CAPN12: variants seen among roughly 807,000 people sequenced by gnomAD.
The protein encoded by CAPN12 is calpain 12, also known as calpain-12.
In CAPN12, 107 loss-of-function variants were observed where a neutral mutation model predicts 95.0. The observed-to-expected ratio is 1.13, with a 90% CI of 0.96 to 1.32. CAPN12 has a LOEUF of 1.32. CAPN12 is among the 40% of genes most tolerant of loss of function. The probability of loss-of-function intolerance (pLI) is 0.00; values close to 1 mark genes in which losing one functional copy is unlikely to be tolerated. For synonymous variants in CAPN12, 505 were observed against 415.5 expected, an observed-to-expected ratio of 1.22 and a Z score of -2.62; for missense variants, 1,136 against 997.8, an observed-to-expected ratio of 1.14 and a Z score of -1.87.
At chr19:38,731,563 C>CA (rs1165121648) in intron 18 of CAPN12, 1 of 360,600 alleles carries the variant, frequency 2.8e-6, no homozygotes, top group African/African-American at 2.1e-5. Context: ...TTCTGTGCAG[C>CA]AAAAAATATA....
In CAPN12 at chr19:38,736,015, GGGGGTC is replaced by G; in HGVS notation, c.1583+89_1583+94del. On this transcript the variant is annotated intron_variant, in intron 12 of 20. Transcript: ENST00000328867. ...CTGGGGGCGGGGCAGGTCAGGTCTC[GGGGGTC>G]TCGGGGGTCTCGGGGGTCTCGGGGG... The G allele has an allele frequency of 2.1e-4, 11 of 51,408 alleles. 1 individual carries two copies. The highest frequency in any genetic ancestry group is 2.7e-4 in the Non-Finnish European group (8 of 29,444). 3.2% of individuals were successfully genotyped at this position (51,408 alleles called of 1,614,324 possible).
chr19:38,738,417 C>T lies in CAPN12; in HGVS notation c.890+1G>A, dbSNP rs374776707. 1.9e-6 allele frequency: 3 copies of T among 1,610,264 alleles called. No individual in the cohort carries two copies. In the African/African-American group the frequency reaches 4.0e-5, roughly 22 times the overall value. ...CCACACCCACCCCAGACCCATCCCA[C>T]CTGTCGCTCCAGGCCCCCGTCCACT... On this transcript the variant is annotated splice_donor_variant, in intron 7 of 20. Coordinates refer to ENST00000328867, the MANE Select transcript of CAPN12 (RefSeq NM_144691.4). LOFTEE classifies it high-confidence loss of function.
chr19:38,743,050 A>G lies in CAPN12; in HGVS notation c.290T>C (p.Val97Ala). The change falls in exon 2 of 21, where the codon GTG (valine) becomes GCG (alanine). Residue 97 changes from valine to alanine, a missense_variant. Val to Ala is a moderately conservative substitution (Grantham distance 64). Coordinates refer to ENST00000328867, the MANE Select transcript of CAPN12 (RefSeq NM_144691.4). ...GGTCTCACCCAGGCTCCCCTGACACACGTCTGTGCGGCTCATGTCTTCACA... is the reference window on the plus strand; with the variant it reads ...GGTCTCACCCAGGCTCCCCTGACACGCGTCTGTGCGGCTCATGTCTTCACA... ...FICEDMSRTD[V>A]CQGSLGNCWF... 1 of 1,613,964 alleles carries G rather than the reference A, an allele frequency of 6.2e-7. No individual in the cohort carries two copies. Among genetic ancestry groups the G allele is most frequent in the Non-Finnish European group, 8.5e-7 (1 of 1,179,958 alleles).
intron 1 of CAPN12, among the ~76,000 whole-genome samples, chr19:38,743,310 C>T (rs1278307907): frequency 2.0e-5 from 3 of 150,228 alleles, no homozygotes; most frequent in Admixed American, 2.0e-4. Flanking sequence ...GCCCCTCCTC[C>T]CTCAGACCCA....
rs139998972 is a variant in CAPN12, at chr19:38,743,068, T to A, written c.272A>T (p.Asp91Val). The change falls in exon 2 of 21, where the codon GAC becomes GTC. Residue 91 changes from aspartate (D) to valine (V), a missense_variant. By Grantham distance (152) the Asp-to-Val change is radical. Coordinates refer to ENST00000328867, the MANE Select transcript of CAPN12 (RefSeq NM_144691.4). ...CTGACACACGTCTGTGCGGCTCATG[T>A]CTTCACAGATGAACTTCGGCTCAGC... Reference protein sequence around the residue: ...FCAEPKFICEDMSRTDVCQGS... With the variant: ...FCAEPKFICEVMSRTDVCQGS... 85 of 1,613,850 alleles carry A rather than the reference T, an allele frequency of 5.3e-5. No homozygotes were observed. The highest frequency in any genetic ancestry group is 6.9e-5 in the Non-Finnish European group (82 of 1,179,960).
chr19:38,733,699 A>ACACCT lies in CAPN12; in HGVS notation c.1956_1957+3dup. The ACACCT allele has an allele frequency of 6.2e-7, 1 of 1,613,130 alleles. No individual in the cohort carries two copies. The highest frequency in any genetic ancestry group is 8.5e-7 in the Non-Finnish European group (1 of 1,179,742). On this transcript the variant is annotated splice_donor_region_variant and intron_variant, in intron 18 of 20. Transcript: ENST00000328867. ...CCACGACCACCCCAGGACCCTGTCC[A>ACACCT]CACCTGCTGCATTCAGTGCCAGCCT...
At position 38,731,115 on chromosome 19, in the gene CAPN12, C is replaced by CAGGTG. The variant is rs1568762156; in HGVS notation, c.2061_2065dup (p.Cys689SerfsTer21). On this transcript the variant is annotated frameshift_variant, in exon 19 of 21. Transcript: ENST00000328867. LOFTEE classifies it high-confidence loss of function. Reference sequence around the variant, plus strand: ...GCCGGGGTGGTACTCACAGAAGATGCAGGTGAGGTGGGCCACACAGGACAC... The same window carrying CAGGTG: ...GCCGGGGTGGTACTCACAGAAGATGCAGGTGAGGTGAGGTGGGCCACACAGGACAC... 2.5e-6 allele frequency: 4 copies of CAGGTG among 1,611,318 alleles called. No individual in the cohort carries two copies. Among genetic ancestry groups the CAGGTG allele is most frequent in the Non-Finnish European group, 3.4e-6 (4 of 1,179,314 alleles).
At chr19:38,734,682 A>C (rs1785312637) in intron 15 of CAPN12, 131 bp downstream of exon 15, 18 of 808,382 alleles carry the variant, frequency 2.2e-5, no homozygotes, top group Non-Finnish European at 3.5e-5. Flanking sequence ...AGATGCTGCC[A>C]GGCTGAGCCC....
At chr19:38,733,423 T>A in intron 18 of CAPN12, 1 of 444,046 alleles carries the variant, frequency 2.3e-6, no homozygotes, top group South Asian at 3.3e-5. Context: ...GCTCCTAATC[T>A]TCCCCTTCCT....
At chr19:38,734,291 C>T (rs768662631) in intron 16 of CAPN12, 28 bp downstream of exon 16, 1 of 1,603,396 alleles carries the variant, frequency 6.2e-7, no homozygotes, top group Non-Finnish European at 8.5e-7. Context: ...CCACTCCCTC[C>T]CTCACCCAGG....
intron 2 of CAPN12, 134 bp from the exon 3 acceptor site, chr19:38,742,662 G>A (rs1970617835): frequency 3.1e-6 from 2 of 646,180 alleles, no homozygotes; most frequent in Non-Finnish European, 5.5e-6. Context: ...AGACCAGCCT[G>A]GCCAACATGG....
In CAPN12 at chr19:38,735,534, C is replaced by T. The variant is rs763561323; in HGVS notation, c.1594G>A (p.Asp532Asn). 5 of 1,610,220 alleles carry T rather than the reference C, an allele frequency of 3.1e-6. No homozygotes were observed. The South Asian group carries it at 3.3e-5, about 11-fold the overall frequency. ...ERRHTAVEID[D>N]VISADLQSLQ... ...GACTGCAGGTCTGCGCTGATCACGT[C>T]GTCGATCTCCCTGCAAATTACAGAT... The change falls in exon 13 of 21, where the codon GAC becomes AAC. Residue 532 changes from aspartate to asparagine, a missense_variant. Transcript: ENST00000328867.
chr19:38,734,216 G>A lies in CAPN12; in HGVS notation c.1816-12C>T, dbSNP rs757756389. The A allele has an allele frequency of 1.2e-6, 2 of 1,612,772 alleles. No homozygotes were observed. The highest frequency in any genetic ancestry group is 1.7e-6 in the Non-Finnish European group (2 of 1,179,822). On this transcript the variant is annotated splice_polypyrimidine_tract_variant and intron_variant, in intron 16 of 20. Transcript: ENST00000328867. ...AGGCTTTGCCCATGCTGTGTTGGGG[G>A]TCGGGGGCATCTGGTTAAGGTCAAT...
At position 38,741,835 on chromosome 19, in the gene CAPN12, C is replaced by A. The variant is rs137937350; in HGVS notation, c.502G>T (p.Val168Leu). Residue 168 changes from valine (V) to leucine (L), a missense_variant, in exon 4 of 21, where the codon GTG becomes TTG. Val to Leu is a conservative substitution (Grantham distance 32). Transcript: ENST00000328867. Reference sequence around the variant, plus strand: ...AACTCATTCCGCTGTTCCGAGCGCACGAACATCAGCTTCCCCTCACGCACG... The same window carrying A: ...AACTCATTCCGCTGTTCCGAGCGCAAGAACATCAGCTTCCCCTCACGCACG... ...LPVREGKLMF[V>L]RSEQRNEFWA... 1 of 1,614,072 alleles carries A rather than the reference C, an allele frequency of 6.2e-7. No homozygotes were observed. The highest frequency in any genetic ancestry group is 8.5e-7 in the Non-Finnish European group (1 of 1,180,040).
At chr19:38,735,310 G>A (rs1969943567) in intron 14 of CAPN12, 60 bp downstream of exon 14, 3 of 1,477,532 alleles carry the variant, frequency 2.0e-6, no homozygotes, top group African/African-American at 2.8e-5. Flanking sequence ...GGTGGGGGAA[G>A]GGGGGTCCCC....
intron 10 of CAPN12, 79 bp downstream of exon 10, chr19:38,737,077 G>T: frequency 9.0e-5 from 26 of 289,188 alleles, no homozygotes; most frequent in South Asian, 1.3e-4. Flanking sequence ...GCCCCTCCAT[G>T]CCTCCCCCGC....
chr19:38,744,317 G>T lies in CAPN12; in HGVS notation c.-152C>A. On this transcript the variant is annotated 5_prime_UTR_variant, in exon 1 of 21. Transcript: ENST00000328867. ...AATTGATGGTTTGGGGTGCTGGGGA[G>T]CAGGGACGCCTCTTCAGTAGCTTTC... 1.4e-6 allele frequency: 1 copy of T among 739,210 alleles called. No homozygotes were observed. The highest frequency in any genetic ancestry group is 2.2e-6 in the Non-Finnish European group (1 of 446,704). The allele number at this position is 739,210 out of a possible 1,614,324, so 45.8% of individuals were successfully genotyped here.
chr19:38,732,056 G>A (rs34703567), intron 18 of CAPN12, among the ~76,000 whole-genome samples: 9,277 of 152,350 alleles, frequency 0.061, 292 homozygotes, highest in South Asian at 0.096. Flanking sequence ...CCGAGAAGGC[G>A]CTGGAGCCCC....
Position 38,736,581 on chromosome 19 carries a change from A to AAGGGGCGTCGGGGC in CAPN12, c.1363-32_1363-19dup, listed in dbSNP as rs1970180128. Reference sequence around the variant, plus strand: ...TCTGGAATCTGAAAGAAGCAAGAGCAAGGGGCGTCGGGGCAGGGGAGAGGT... The same window carrying AAGGGGCGTCGGGGC: ...TCTGGAATCTGAAAGAAGCAAGAGCAAGGGGCGTCGGGGCAGGGGCGTCGGGGCAGGGGAGAGGT... On this transcript the variant is annotated intron_variant, in intron 10 of 20. Coordinates refer to ENST00000328867, the MANE Select transcript of CAPN12 (RefSeq NM_144691.4). The AAGGGGCGTCGGGGC allele has an allele frequency of 1.3e-6, 2 of 1,561,354 alleles. No homozygotes were observed. The highest frequency in any genetic ancestry group is 4.7e-5 in the East Asian group (2 of 42,818).
Sources: allele counts gnomAD v4.1 joint callset (sites outside exome capture counted in the v4.1 genomes callset), GRCh38; gene constraint gnomAD v4.1.1; transcripts MANE v1.5; gene names NCBI Gene and HGNC (gene_info 2026-07-23, HGNC 2026-07-21).